PAIP1: variants seen among roughly 807,000 people sequenced by gnomAD.
The protein encoded by PAIP1 is polyadenylate-binding protein-interacting protein 1.
Under a neutral mutation model 61.3 loss-of-function variants are expected in PAIP1, and 16 were observed. The observed-to-expected ratio is 0.26, with a 90% CI of 0.18 to 0.40. The LOEUF (loss-of-function observed/expected upper bound fraction) is 0.40. PAIP1 is among the 10% of genes least tolerant of loss of function. PAIP1 has a pLI of 1.00. For missense variants in PAIP1, 416 were observed against 600.9 expected, an observed-to-expected ratio of 0.69 and a Z score of 3.22; for synonymous variants, 187 against 226.2, an observed-to-expected ratio of 0.83 and a Z score of 1.56.
At position 43,536,954 on chromosome 5, in the gene PAIP1, C is replaced by T. The variant is rs1463739523; in HGVS notation, c.847-10G>A. The T allele has an allele frequency of 6.4e-7, 1 of 1,551,200 alleles. No homozygotes were observed. Among genetic ancestry groups the T allele is most frequent in the East Asian group, 2.3e-5 (1 of 43,224 alleles). ...CATTTGTTCCCTTGATCTTTCGGGACCAAAAAAAAGAACAAAAGGAATGAT... is the reference window on the plus strand; with the variant it reads ...CATTTGTTCCCTTGATCTTTCGGGATCAAAAAAAAGAACAAAAGGAATGAT... On this transcript the variant is annotated splice_polypyrimidine_tract_variant and intron_variant, in intron 5 of 10. Coordinates refer to ENST00000306846, the MANE Select transcript of PAIP1 (RefSeq NM_006451.5).
At chr5:43,534,808 G>A (rs768549944) in intron 8 of PAIP1, 45 bp downstream of exon 8, 2 of 1,030,216 alleles carry the variant, frequency 1.9e-6, no homozygotes, top group East Asian at 2.4e-5. Context: ...TTCCAAAACG[G>A]AATTCAAGCA....
At chr5:43,543,599 A>C (rs1238795390) in intron 3 of PAIP1, among the ~76,000 whole-genome samples, 2 of 152,182 alleles carry the variant, frequency 1.3e-5, no homozygotes, top group Non-Finnish European at 2.9e-5. Flanking sequence ...TTAGACTTTA[A>C]AGAGGTGATT....
Position 43,557,059 on chromosome 5 carries a change from C to A in PAIP1, c.-213G>T. 1.2e-6 allele frequency: 1 copy of A among 849,310 alleles called. No homozygotes were observed. The highest frequency in any genetic ancestry group is 1.6e-6 in the Non-Finnish European group (1 of 638,360). The allele number at this position is 849,310 out of a possible 1,614,324, so 52.6% of individuals were successfully genotyped here. A position where few individuals can be genotyped will look rare whatever the true frequency, so the allele number is the denominator to read the frequency against. ...GCCGCTCCAGAGCGCCCGCCCCGCTCGGCTACCCTCGGCTTTCCAGTTCTC... is the reference window on the plus strand; with the variant it reads ...GCCGCTCCAGAGCGCCCGCCCCGCTAGGCTACCCTCGGCTTTCCAGTTCTC... On this transcript the variant is annotated 5_prime_UTR_variant, in exon 1 of 11. Coordinates refer to ENST00000306846, the MANE Select transcript of PAIP1 (RefSeq NM_006451.5).
At chr5:43,537,932 T>C (rs1057344659) in intron 5 of PAIP1, among the ~76,000 whole-genome samples, 5 of 147,476 alleles carry the variant, frequency 3.4e-5, no homozygotes, top group African/African-American at 1.0e-4. Flanking sequence ...AGGCGGAGGT[T>C]GTAGTGAGCC....
At chr5:43,539,666 T>A (rs528929241) in intron 4 of PAIP1, among the ~76,000 whole-genome samples, 2 of 152,330 alleles carry the variant, frequency 1.3e-5, no homozygotes, top group African/African-American at 4.8e-5. Flanking sequence ...AACTGATTTT[T>A]CCTTGCTCTC....
intron 3 of PAIP1, among the ~76,000 whole-genome samples, chr5:43,543,921 C>T (rs1457282095): frequency 6.6e-6 from 1 of 151,980 alleles, no homozygotes; most frequent in Non-Finnish European, 1.5e-5. Context: ...GCCAGAGGAT[C>T]GCTTGAGGCC....
chr5:43,537,864 C>T (rs1221269781), intron 5 of PAIP1, among the ~76,000 whole-genome samples: 9 of 151,846 alleles, frequency 5.9e-5, no homozygotes, highest in African/African-American at 1.9e-4. Context: ...CATAGTGGTA[C>T]GTGCCTGTAA....
chr5:43,536,122 C>A (rs1747143641), intron 6 of PAIP1, among the ~76,000 whole-genome samples: 1 of 151,880 alleles, frequency 6.6e-6, no homozygotes, highest in South Asian at 2.1e-4. Context: ...AAAACAAAAA[C>A]CAAGATTGAT....
Position 43,533,803 on chromosome 5 carries a change from T to C in PAIP1, c.1198-11A>G. 1.4e-6 allele frequency: 2 copies of C among 1,466,406 alleles called. No homozygotes were observed. Among genetic ancestry groups the C allele is most frequent in the Non-Finnish European group, 1.9e-6 (2 of 1,045,386 alleles). The allele number at this position is 1,466,406 out of a possible 1,614,324, so 90.8% of individuals were successfully genotyped here. On this transcript the variant is annotated splice_polypyrimidine_tract_variant and intron_variant, in intron 8 of 10. Transcript: ENST00000306846. ...AAATGTTGGTTCATTCTAGGATGAA[T>C]CAAAGTGATAAAAATATGTAATCAT...
intron 2 of PAIP1, among the ~76,000 whole-genome samples, chr5:43,552,784 A>G (rs984780644): frequency 6.6e-6 from 1 of 152,202 alleles, no homozygotes; most frequent in Non-Finnish European, 1.5e-5. Flanking sequence ...CTAAAAAGGT[A>G]CCTTTGCACC....
At chr5:43,530,833 C>T (rs1218024052) in intron 9 of PAIP1, among the ~76,000 whole-genome samples, 2 of 152,064 alleles carry the variant, frequency 1.3e-5, no homozygotes, top group Non-Finnish European at 1.5e-5. Flanking sequence ...AGCTGGGAGG[C>T]TGACAGATGA....
rs1162800470 is a variant in PAIP1, at chr5:43,556,822, G to T, written c.25C>A (p.Pro9Thr). Residue 9 changes from proline (P) to threonine (T), a missense_variant, in exon 1 of 11, where the codon CCA becomes ACA. Transcript: ENST00000306846. MSDGFDRA[P>T]GAGRGRSRGL... ...CGGCTCCGGCCCCGACCAGCACCTG[G>T]GGCCCGATCGAAACCGTCCGACATG... 56 of 1,452,742 alleles carry T rather than the reference G, an allele frequency of 3.9e-5. No individual in the cohort carries two copies. Among genetic ancestry groups the T allele is most frequent in the Non-Finnish European group, 5.1e-5 (56 of 1,105,014 alleles). 90.0% of individuals were successfully genotyped at this position (1,452,742 alleles called of 1,614,324 possible).
intron 4 of PAIP1, among the ~76,000 whole-genome samples, chr5:43,540,294 G>A (rs1747346056): frequency 1.3e-5 from 2 of 152,162 alleles, no homozygotes; most frequent in Admixed American, 6.5e-5. Context: ...GTTAATAATG[G>A]AAGAGATCAG....
chr5:43,548,911 C>T (rs1747746576), intron 2 of PAIP1, among the ~76,000 whole-genome samples: 1 of 152,130 alleles, frequency 6.6e-6, no homozygotes, highest in African/African-American at 2.4e-5. Flanking sequence ...ATGGTCAAAA[C>T]ACCCTTAGAA....
At chr5:43,547,299 C>T (rs1285553041) in intron 3 of PAIP1, among the ~76,000 whole-genome samples, 4 of 151,910 alleles carry the variant, frequency 2.6e-5, no homozygotes, top group African/African-American at 4.8e-5. Flanking sequence ...TTTTCCTCCC[C>T]TACTCTAATA....
rs755767615 is a variant in PAIP1, at chr5:43,534,899, G to A, written c.1151C>T (p.Ser384Leu). The A allele has an allele frequency of 8.1e-6, 13 of 1,605,752 alleles. No individual in the cohort carries two copies. Among genetic ancestry groups the A allele is most frequent in the Non-Finnish European group, 1.1e-5 (13 of 1,172,756 alleles). The change falls in exon 8 of 11, where the codon TCA becomes TTA. Residue 384 changes from serine (S) to leucine (L), a missense_variant. By Grantham distance (145) the Ser-to-Leu change is moderately radical (BLOSUM62 -2). Transcript: ENST00000306846. Reference protein sequence around the residue: ...SSNWGRVHATSTYREATPEND... With the variant: ...SSNWGRVHATLTYREATPEND... ...TTCTGGTGTTGCTTCTCTATATGTT[G>A]AAGTTGCATGGACTCTGCCCCAGTT... is the stretch of plus-strand genomic sequence containing the variant.
chr5:43,538,385 A>C (rs765402352), intron 5 of PAIP1, among the ~76,000 whole-genome samples: 3 of 152,224 alleles, frequency 2.0e-5, no homozygotes, highest in Non-Finnish European at 4.4e-5. Context: ...TGCATATGTT[A>C]AATAGCTTGA....
chr5:43,556,775 GC>G lies in PAIP1; in HGVS notation c.71del (p.Gly24AlafsTer71). 2.1e-6 allele frequency: 3 copies of G among 1,436,502 alleles called. No homozygotes were observed. The highest frequency in any genetic ancestry group is 2.8e-5 in the South Asian group (2 of 71,446). 89.0% of individuals were successfully genotyped at this position (1,436,502 alleles called of 1,614,324 possible). A position where few individuals can be genotyped will look rare whatever the true frequency, so the allele number is the denominator to read the frequency against. On this transcript the variant is annotated frameshift_variant, in exon 1 of 11. Coordinates refer to ENST00000306846, the MANE Select transcript of PAIP1 (RefSeq NM_006451.5). LOFTEE classifies it high-confidence loss of function. The part of the protein sequence containing the change: ...GRSRGLGRGG[G>X]GPEGGGFPNG... ...TCGGGAAACCGCCGCCCTCAGGCCC[GC>G]CCCCTCCGCGGCCCAGGCCCCGGCT... is the stretch of plus-strand genomic sequence containing the variant.
At chr5:43,534,381 T>C (rs1362595306) in intron 8 of PAIP1, among the ~76,000 whole-genome samples, 1 of 152,204 alleles carries the variant, frequency 6.6e-6, no homozygotes, top group Non-Finnish European at 1.5e-5. Flanking sequence ...GTAGTTTTAG[T>C]AGAGACGGGG....
Sources: allele counts gnomAD v4.1 joint callset (sites outside exome capture counted in the v4.1 genomes callset), GRCh38; gene constraint gnomAD v4.1.1; transcripts MANE v1.5; gene names NCBI Gene and HGNC (gene_info 2026-07-23, HGNC 2026-07-21).